The following IGSF1 variants were observed in gnomAD, a reference collection of about 807,000 sequenced individuals.
The protein encoded by IGSF1 is immunoglobulin-like domain-containing protein 1.
In IGSF1, 40 loss-of-function variants were observed where a neutral mutation model predicts 95.3. The ratio of observed to expected loss-of-function variants is 0.42; its 90% confidence interval spans 0.33 to 0.55. The LOEUF (loss-of-function observed/expected upper bound fraction) is 0.55. Ranked by LOEUF, IGSF1 falls within the 20% of genes least tolerant of loss-of-function variation. IGSF1 has a pLI of 0.10. For missense variants in IGSF1, 906 were observed against 1,025.4 expected, an observed-to-expected ratio of 0.88 and a Z score of 1.59; for synonymous variants, 372 against 382.9, an observed-to-expected ratio of 0.97 and a Z score of 0.33.
chrX:131,279,200 CT>C (rs1280046571), intron 10 of IGSF1, 25 bp from the exon 11 acceptor site: 1 of 1,210,942 alleles, frequency 8.3e-7, no homozygotes. Context: ...GCTGCCAGGA[CT>C]CGGCCCCCTC....
intron 5 of IGSF1, chrX:131,284,053 T>C (rs2080599079): frequency 2.0e-6 from 1 of 489,329 alleles, no homozygotes; most frequent in Admixed American, 8.8e-5. Flanking sequence ...TACGGAAGTG[T>C]ATTTTAGTGG....
chrX:131,285,915 C>T lies in IGSF1; in HGVS notation c.231G>A (p.Met77Ile). ...KFLLLKDKTQ[M>I]TWIRPSHKTF... Reference sequence around the variant, plus strand: ...TCTTGTGGGAAGGGCGGATCCAGGTCATCTGTGTCTTATCCTTCAGCAGCA... The same window carrying T: ...TCTTGTGGGAAGGGCGGATCCAGGTTATCTGTGTCTTATCCTTCAGCAGCA... Residue 77 changes from methionine (M) to isoleucine (I), a missense_variant, in exon 4 of 20, where the codon ATG becomes ATA. This residue lies in a region of IGSF1 where 442 missense variants were observed against 448.1 expected (regional missense o/e 0.99). Coordinates refer to ENST00000361420, the MANE Select transcript of IGSF1 (RefSeq NM_001555.5). 1 of 1,211,646 alleles carries T rather than the reference C, an allele frequency of 8.3e-7. No individual in the cohort carries two copies. Among genetic ancestry groups the T allele is most frequent in the African/African-American group, 1.7e-5 (1 of 57,766 alleles).
intron 7 of IGSF1, 105 bp from the exon 8 acceptor site, chrX:131,282,049 C>T: frequency 1.3e-6 from 1 of 759,042 alleles, no homozygotes; most frequent in Non-Finnish European, 1.9e-6. Context: ...TTCCTTTCCA[C>T]TTCCACTTGG....
Position 131,275,714 on chromosome X carries a change from A to G in IGSF1, c.2948T>C (p.Met983Thr), listed in dbSNP as rs1569401438. The part of the protein sequence containing the change: ...LFAEPSSVVP[M>T]GQNVTLWCRG... ...GCACCAGAGAGTAACATTCTGCCCCATGGGAACCACAGAACTGGGCTCAGC... is the reference window on the plus strand; with the variant it reads ...GCACCAGAGAGTAACATTCTGCCCCGTGGGAACCACAGAACTGGGCTCAGC... The change falls in exon 16 of 20, where the codon ATG (methionine) becomes ACG (threonine). Residue 983 changes from methionine (M) to threonine (T), a missense_variant. This residue lies in a region of IGSF1 where 411 missense variants were observed against 494.9 expected (regional missense o/e 0.83). Transcript: ENST00000361420. 1 of 1,211,573 alleles carries G rather than the reference A, an allele frequency of 8.3e-7. No homozygotes were observed. Among genetic ancestry groups the G allele is most frequent in the South Asian group, 1.8e-5 (1 of 56,981 alleles).
intron 16 of IGSF1, 50 bp downstream of exon 16, chrX:131,275,428 T>G: frequency 8.6e-7 from 1 of 1,166,160 alleles, no homozygotes; most frequent in Non-Finnish European, 1.2e-6. Flanking sequence ...AACTAGTCTA[T>G]TCCCTCCTTT....
chrX:131,287,028 G>A (rs2080649838), intron 1 of IGSF1, among the ~76,000 whole-genome samples: 2 of 106,627 alleles, frequency 1.9e-5, no homozygotes, highest in South Asian at 4.3e-4. Flanking sequence ...GGGGAGATGG[G>A]AGGTGCAGAG....
chrX:131,279,432 C>T lies in IGSF1; in HGVS notation c.1647-91G>A, dbSNP rs7891556. ...CGGCAATTTATGTCATTGGCTTACT[C>T]GCTACCCAATGGGGACTGGATATGG... On this transcript the variant is annotated intron_variant, in intron 9 of 19. Transcript: ENST00000361420. 2.6e-3 allele frequency: 1,821 copies of T among 694,510 alleles called. 6 individuals are homozygous for T. The highest frequency in any genetic ancestry group is 0.018 in the African/African-American group (841 of 47,160). The allele number at this position is 694,510 out of a possible 1,213,427, so 57.2% of individuals were successfully genotyped here. A position where few individuals can be genotyped will look rare whatever the true frequency, so the allele number is the denominator to read the frequency against.
In IGSF1 at chrX:131,284,176, C is replaced by T; in HGVS notation, c.668-912G>A. The T allele has an allele frequency of 5.8e-6, 3 of 517,293 alleles. No individual in the cohort carries two copies. The South Asian group carries it at 3.0e-4, about 52-fold the overall frequency. The allele number at this position is 517,293 out of a possible 1,213,427, so 42.6% of individuals were successfully genotyped here. ...GCTATACTAACAAAATTAATATCTA[C>T]CATTTATTGAGAACTTATATGCCAG... is the stretch of plus-strand genomic sequence containing the variant. On this transcript the variant is annotated intron_variant, in intron 5 of 19. Coordinates refer to ENST00000361420, the MANE Select transcript of IGSF1 (RefSeq NM_001555.5).
intron 5 of IGSF1, among the ~76,000 whole-genome samples, chrX:131,283,598 A>T (rs1163618808): frequency 8.9e-6 from 1 of 112,161 alleles, no homozygotes; most frequent in African/African-American, 3.2e-5. Context: ...AAACCTCTGA[A>T]AATAACATTG....
intron 6 of IGSF1, 91 bp from the exon 7 acceptor site, chrX:131,282,828 C>T: frequency 2.0e-6 from 2 of 1,012,016 alleles, no homozygotes; most frequent in Non-Finnish European, 2.7e-6. Context: ...TCCAAACCAC[C>T]CTTGGAAAAA....
intron 3 of IGSF1, among the ~76,000 whole-genome samples, 166 bp downstream of exon 3, chrX:131,286,271 C>T: frequency 9.0e-6 from 1 of 111,267 alleles, no homozygotes; most frequent in East Asian, 2.8e-4. Context: ...TCTTTTCCAT[C>T]TGAGATAAAG....
Position 131,276,956 on chromosome X carries a change from A to T in IGSF1, c.2591T>A (p.Val864Glu). 8.3e-7 allele frequency: 1 copy of T among 1,211,278 alleles called. No homozygotes were observed. Among genetic ancestry groups the T allele is most frequent in the Non-Finnish European group, 1.1e-6 (1 of 895,249 alleles). The change falls in exon 14 of 20, where the codon GTG (valine) becomes GAG (glutamate). Residue 864 changes from valine to glutamate, a missense_variant. Around this residue, in one of 5 missense-constraint regions of IGSF1, gnomAD observed 411 missense variants for 494.9 expected, o/e 0.83. Coordinates refer to ENST00000361420, the MANE Select transcript of IGSF1 (RefSeq NM_001555.5). ...FSIWSEPSDP[V>E]ELVVTEFYPK... Reference sequence around the variant, plus strand: ...CTCCTAACCTGTCACCACGAGCTCCACAGGGTCGCTGGGCTCAGACCAGAT... The same window carrying T: ...CTCCTAACCTGTCACCACGAGCTCCTCAGGGTCGCTGGGCTCAGACCAGAT...
At position 131,273,906 on chromosome X, in the gene IGSF1, G is replaced by T. The variant is rs2080445601; in HGVS notation, c.3901C>A (p.Gln1301Lys). ...TRGSETDGRD[Q>K]TIALEECNQE... ...TTACACTCTTCAAGGGCAATGGTCTGGTCTCTTCCGTCTGTCTCTGAGCCT... is the reference window on the plus strand; with the variant it reads ...TTACACTCTTCAAGGGCAATGGTCTTGTCTCTTCCGTCTGTCTCTGAGCCT... The change falls in exon 20 of 20, where the codon CAG becomes AAG. Residue 1301 changes from glutamine to lysine, a missense_variant. Physicochemically the swap from Gln to Lys is moderately conservative, Grantham distance 53 (BLOSUM62 1). Around this residue, in one of 5 missense-constraint regions of IGSF1, gnomAD observed 411 missense variants for 494.9 expected, o/e 0.83. Transcript: ENST00000361420. 1 of 1,210,358 alleles carries T rather than the reference G, an allele frequency of 8.3e-7. No individual in the cohort carries two copies. Among genetic ancestry groups the T allele is most frequent in the East Asian group, 3.0e-5 (1 of 33,810 alleles).
upstream of IGSF1, chrX:131,289,381 C>T (rs763557594): frequency 1.9e-5 from 7 of 359,273 alleles, no homozygotes; most frequent in Admixed American, 1.8e-4. Flanking sequence ...TCCTCCCCTC[C>T]CTGCGCCGGG....
chrX:131,283,586 C>A (rs1040832657), intron 5 of IGSF1, among the ~76,000 whole-genome samples: 16 of 112,032 alleles, frequency 1.4e-4, no homozygotes, highest in African/African-American at 5.2e-4. Context: ...ACCAGAAAAA[C>A]CAAACCTCTG....
chrX:131,274,525 G>A lies in IGSF1; in HGVS notation c.3751+74C>T, dbSNP rs1023012731. 3.8e-6 allele frequency: 4 copies of A among 1,048,692 alleles called. No individual in the cohort carries two copies. The African/African-American group carries it at 5.6e-5, about 15-fold the overall frequency. 86.4% of individuals were successfully genotyped at this position (1,048,692 alleles called of 1,213,427 possible). A position where few individuals can be genotyped will look rare whatever the true frequency, so the allele number is the denominator to read the frequency against. ...AAAGCTCCTCCATTCTCCTGATTTG[G>A]GATGTCTCCATGGGGACTGTCCCTG... On this transcript the variant is annotated intron_variant, in intron 18 of 19. Coordinates refer to ENST00000361420, the MANE Select transcript of IGSF1 (RefSeq NM_001555.5).
chrX:131,282,185 G>T (rs1225676479), intron 7 of IGSF1, among the ~76,000 whole-genome samples: 1 of 111,167 alleles, frequency 9.0e-6, no homozygotes, highest in Non-Finnish European at 1.9e-5. Flanking sequence ...CTGGCCTAAA[G>T]AAAAATAATT....
In IGSF1 at chrX:131,276,930, C is replaced by G. The variant is rs764664783; in HGVS notation, c.2608+9G>C. ...GGCACCACCTCTACCTGGAGTCCCCCCTCCTAACCTGTCACCACGAGCTCC... is the reference window on the plus strand; with the variant it reads ...GGCACCACCTCTACCTGGAGTCCCCGCTCCTAACCTGTCACCACGAGCTCC... On this transcript the variant is annotated intron_variant, in intron 14 of 19. Coordinates refer to ENST00000361420, the MANE Select transcript of IGSF1 (RefSeq NM_001555.5). 3 of 1,204,222 alleles carry G rather than the reference C, an allele frequency of 2.5e-6. No individual in the cohort carries two copies. Among genetic ancestry groups the G allele is most frequent in the East Asian group, 5.9e-5 (2 of 33,688 alleles).
At chrX:131,280,751 T>G (rs2080546391) in intron 9 of IGSF1, among the ~76,000 whole-genome samples, 1 of 110,371 alleles carries the variant, frequency 9.1e-6, no homozygotes, top group African/African-American at 3.3e-5. Flanking sequence ...TGTCAGAGAC[T>G]GGTTACTAAG....
Sources: gnomAD v4.1 joint callset for allele counts (sites outside exome capture counted in the v4.1 genomes callset) on GRCh38, gnomAD v4.1.1 for gene constraint, gnomAD v4.1.1 regional missense constraint, MANE v1.5 for transcripts, NCBI Gene and HGNC (gene_info 2026-07-23, HGNC 2026-07-21) for gene names.